Variants in PRIM2 observed in about 807,000 individuals in gnomAD.
PRIM2 encodes DNA primase subunit 2, also known as DNA primase large subunit.
PRIM2 carries 39 observed loss-of-function variants against 67.3 expected under a neutral mutation model. The observed-to-expected ratio is 0.58, with a 90% confidence interval of 0.45 to 0.76. The LOEUF (loss-of-function observed/expected upper bound fraction) is 0.76, where lower values mean the gene tolerates loss of function less well. Among genes scored for constraint, PRIM2 ranks in the 30% least tolerant of loss-of-function variants. PRIM2 has a pLI of 0.00. For synonymous variants in PRIM2, 143 were observed against 198.7 expected (o/e 0.72, Z 2.36); for missense variants, 398 against 598.7 (o/e 0.66, Z 3.50).
At chr6:57,349,408 G>C (rs1057233030) in intron 5 of PRIM2, among the ~76,000 whole-genome samples, 6 of 149,940 alleles carry the variant, frequency 4.0e-5, no homozygotes, top group African/African-American at 1.2e-4. Flanking sequence ...ATGTAGTCTA[G>C]GGCACTGTGT....
Position 57,324,287 on chromosome 6 carries a change from A to G in PRIM2, c.338+7A>G, listed in dbSNP as rs1486150200. 6.5e-7 allele frequency: 1 copy of G among 1,537,208 alleles called. No homozygotes were observed. Among genetic ancestry groups the G allele is most frequent in the Admixed American group, 1.8e-5 (1 of 56,420 alleles). On this transcript the variant is annotated splice_region_variant and intron_variant, in intron 4 of 13. Coordinates refer to ENST00000615550, the MANE Select transcript of PRIM2 (RefSeq NM_000947.5). ...GGCTTGCTTATTGCCAGTCGTAAGT[A>G]TATGTTTATATTCTCACAGTCAAAT...
At chr6:57,607,518 G>A (rs1198538844) in intron 12 of PRIM2, among the ~76,000 whole-genome samples, 1 of 152,160 alleles carries the variant, frequency 6.6e-6, no homozygotes, top group Non-Finnish European at 1.5e-5. Flanking sequence ...ACAAAGGTTG[G>A]GAATTAGGGA....
At chr6:57,515,980 C>G (rs1554348215) in intron 8 of PRIM2, among the ~76,000 whole-genome samples, 1 of 151,672 alleles carries the variant, frequency 6.6e-6, no homozygotes, top group Non-Finnish European at 1.5e-5. Flanking sequence ...GAAGCCTGGT[C>G]TTTCCTCCTA....
intron 7 of PRIM2, among the ~76,000 whole-genome samples, chr6:57,441,903 C>A (rs540830547): frequency 1.3e-5 from 2 of 151,852 alleles, no homozygotes; most frequent in African/African-American, 4.8e-5. Flanking sequence ...TGCCTTTTGC[C>A]TCCCCATATA....
chr6:57,635,894 C>A (rs1777113802), intron 13 of PRIM2, among the ~76,000 whole-genome samples: 2 of 152,186 alleles, frequency 1.3e-5, no homozygotes, highest in African/African-American at 2.4e-5. Context: ...GGAATCTGAT[C>A]ATTTCAGGAA....
the PRIM2 span, among the ~76,000 whole-genome samples, chr6:57,299,033 A>ATTCTCTCTGTGCCTGAAT: frequency 1.3e-4 from 19 of 151,864 alleles, no homozygotes; most frequent in African/African-American, 4.6e-4. Context: ...ACTGTGGACG[A>ATTCTCTCTGTGCCTGAAT]TTCTCTCTGT....
chr6:57,542,810 A>G (rs1775190428), intron 10 of PRIM2, among the ~76,000 whole-genome samples: 1 of 151,826 alleles, frequency 6.6e-6, no homozygotes, highest in Non-Finnish European at 1.5e-5. Context: ...ATGACATGTA[A>G]TAAACTAAGG....
At chr6:57,234,990 T>C in the PRIM2 span, among the ~76,000 whole-genome samples, 1 of 150,798 alleles carries the variant, frequency 6.6e-6, no homozygotes, top group African/African-American at 2.4e-5. Context: ...CTGGGCAACA[T>C]AGCCACCCCA....
intron 7 of PRIM2, among the ~76,000 whole-genome samples, chr6:57,505,693 A>G (rs1774236290): frequency 6.6e-6 from 1 of 152,200 alleles, no homozygotes; most frequent in Non-Finnish European, 1.5e-5. Flanking sequence ...AGATGTATTA[A>G]TAGTTTAGGG....
chr6:57,414,430 T>G (rs1771193166), intron 7 of PRIM2, among the ~76,000 whole-genome samples: 1 of 152,146 alleles, frequency 6.6e-6, no homozygotes, highest in Non-Finnish European at 1.5e-5. Flanking sequence ...GGATAAATAT[T>G]AAGTATAAAA....
chr6:57,296,336 A>G, the PRIM2 span, among the ~76,000 whole-genome samples: 1 of 152,114 alleles, frequency 6.6e-6, no homozygotes, highest in Non-Finnish European at 1.5e-5. Context: ...CTTTATATAT[A>G]TATATTATAG....
At chr6:57,446,719 C>G (rs1443175818) in intron 7 of PRIM2, among the ~76,000 whole-genome samples, 1 of 152,184 alleles carries the variant, frequency 6.6e-6, no homozygotes, top group East Asian at 1.9e-4. Flanking sequence ...GAATGGAGGT[C>G]CCTGTGTAAG....
chr6:57,225,447 T>C, the PRIM2 span, among the ~76,000 whole-genome samples: 3 of 152,342 alleles, frequency 2.0e-5, no homozygotes, highest in South Asian at 6.2e-4. Flanking sequence ...ACCTGGCCTT[T>C]TAAATCATGT....
chr6:57,451,274 G>A (rs1416977042), intron 7 of PRIM2, among the ~76,000 whole-genome samples: 1 of 152,028 alleles, frequency 6.6e-6, no homozygotes, highest in African/African-American at 2.4e-5. Context: ...CTGAGTAGCT[G>A]GGATTACAGG....
intron 8 of PRIM2, among the ~76,000 whole-genome samples, chr6:57,532,082 G>A (rs1774903110): frequency 1.3e-5 from 2 of 152,012 alleles, no homozygotes; most frequent in African/African-American, 4.8e-5. Context: ...CTGCTTTTTT[G>A]CTATGTTGTC....
At chr6:57,517,118 A>G (rs1289772157) in intron 8 of PRIM2, among the ~76,000 whole-genome samples, 65 of 152,194 alleles carry the variant, frequency 4.3e-4, no homozygotes, top group Non-Finnish European at 8.7e-4. Flanking sequence ...ATACCGCTGG[A>G]AAGTAAAATT....
At chr6:57,565,622 T>C (rs1775721782) in intron 10 of PRIM2, among the ~76,000 whole-genome samples, 2 of 152,162 alleles carry the variant, frequency 1.3e-5, no homozygotes, top group African/African-American at 4.8e-5. Context: ...CCCTCCTACA[T>C]TGGGGAGAGC....
At chr6:57,436,632 C>T (rs1214415744) in intron 7 of PRIM2, among the ~76,000 whole-genome samples, 4 of 152,072 alleles carry the variant, frequency 2.6e-5, no homozygotes, top group African/African-American at 4.8e-5. Context: ...TGTTGATATG[C>T]GAAGGATTTG....
At chr6:57,491,865 G>A (rs1247909454) in intron 7 of PRIM2, among the ~76,000 whole-genome samples, 2 of 151,890 alleles carry the variant, frequency 1.3e-5, no homozygotes, top group African/African-American at 4.9e-5. Flanking sequence ...AAAAGCTGAC[G>A]AGGCTGGGTT....
Sources: allele counts gnomAD v4.1 joint callset (sites outside exome capture counted in the v4.1 genomes callset), GRCh38; gene constraint gnomAD v4.1.1; transcripts MANE v1.5; gene names NCBI Gene and HGNC (gene_info 2026-07-23, HGNC 2026-07-21).